Variants in PACRG observed in about 807,000 individuals in gnomAD.
The protein encoded by PACRG is parkin coregulated gene protein.
PACRG carries 29 observed loss-of-function variants against 29.7 expected under a neutral mutation model. That is an observed-to-expected ratio of 0.98 (90% confidence interval 0.73 to 1.33). The LOEUF (loss-of-function observed/expected upper bound fraction) is 1.33, where lower values mean the gene tolerates loss of function less well. Among genes scored for constraint, PACRG ranks in the 40% most tolerant of loss-of-function variants. PACRG has a pLI of 0.00. For synonymous variants in PACRG, 116 were observed against 118.7 expected (o/e 0.98, Z 0.15); for missense variants, 279 against 316.2 (o/e 0.88, Z 0.89).
chr6:163,179,238 C>T (rs958478501), intron 4 of PACRG: 6 of 455,844 alleles, frequency 1.3e-5, no homozygotes, highest in East Asian at 7.0e-5. Context: ...CGTAGGTTCT[C>T]CTGCCAACAA....
chr6:163,089,520 T>A, intron 4 of PACRG, 112 bp downstream of exon 4: 2 of 1,307,960 alleles, frequency 1.5e-6, no homozygotes, highest in Non-Finnish European at 2.1e-6. Context: ...TAAACCATGA[T>A]CCATTTGGAG....
At chr6:162,947,470 A>ACTC (rs372977724) in intron 2 of PACRG, among the ~76,000 whole-genome samples, 3 of 96,180 alleles carry the variant, frequency 3.1e-5, no homozygotes, top group Non-Finnish European at 6.0e-5. Context: ...AATCATATAT[A>ACTC]ATATATATAT....
chr6:162,776,972 G>A (rs1783694588), intron 1 of PACRG, among the ~76,000 whole-genome samples: 1 of 152,008 alleles, frequency 6.6e-6, no homozygotes, highest in South Asian at 2.1e-4. Context: ...CTACACATTG[G>A]GTACAGTGCA....
chr6:162,909,477 C>A (rs1584730278), intron 2 of PACRG, among the ~76,000 whole-genome samples: 2 of 149,284 alleles, frequency 1.3e-5, no homozygotes, highest in South Asian at 2.1e-4. Flanking sequence ...ATGGCGTGAA[C>A]CCAGGAGGCG....
intron 2 of PACRG, among the ~76,000 whole-genome samples, chr6:163,001,229 T>C (rs1176862382): frequency 6.6e-6 from 1 of 152,214 alleles, no homozygotes; most frequent in African/African-American, 2.4e-5. Flanking sequence ...TAATGAAATC[T>C]GAACAAGGAG....
intron 4 of PACRG, among the ~76,000 whole-genome samples, chr6:163,261,117 A>T (rs1562344733): frequency 6.6e-6 from 1 of 151,788 alleles, no homozygotes; most frequent in Non-Finnish European, 1.5e-5. Flanking sequence ...CCATCGGGAG[A>T]GCTCCTTCCC....
chr6:162,896,997 A>C (rs1273711229), intron 2 of PACRG, among the ~76,000 whole-genome samples: 1 of 152,252 alleles, frequency 6.6e-6, no homozygotes, highest in Non-Finnish European at 1.5e-5. Context: ...CTTCCTTGAC[A>C]AAAGTTCTGA....
intron 2 of PACRG, among the ~76,000 whole-genome samples, chr6:162,862,733 A>G (rs1349045045): frequency 6.6e-6 from 1 of 152,190 alleles, no homozygotes; most frequent in East Asian, 1.9e-4. Context: ...AGAGTAAGAC[A>G]GAGATAAAGC....
Position 163,062,327 on chromosome 6 carries a change from T to C in PACRG, c.463+6T>C, listed in dbSNP as rs569256874. On this transcript the variant is annotated splice_donor_region_variant and intron_variant, in intron 3 of 4. Coordinates refer to ENST00000366888, the MANE Select transcript of PACRG (RefSeq NM_001080379.2). The stretch of plus-strand genomic sequence containing the variant: ...GCTCATTATCCCGATAAAAAGTAAG[T>C]GAACCGGTGAAAAAGCATCACTCAG... 32 of 1,604,962 alleles carry C rather than the reference T, an allele frequency of 2.0e-5. 1 individual carries two copies. The South Asian group carries it at 3.1e-4, about 16-fold the overall frequency.
At chr6:162,877,587 TAAAAA>T (rs980283078) in intron 2 of PACRG, among the ~76,000 whole-genome samples, 5 of 105,200 alleles carry the variant, frequency 4.8e-5, no homozygotes, top group Admixed American at 1.9e-4. Flanking sequence ...AATATAATAA[TAAAAA>T]AAAGAAAAAA....
intron 2 of PACRG, among the ~76,000 whole-genome samples, chr6:163,035,588 G>A (rs1295379877): frequency 6.6e-6 from 1 of 151,912 alleles, no homozygotes; most frequent in African/African-American, 2.4e-5. Context: ...GGAAGTTGCA[G>A]TGAGCCTAGA....
chr6:163,162,076 C>G (rs1199898257), intron 4 of PACRG, among the ~76,000 whole-genome samples: 1 of 152,154 alleles, frequency 6.6e-6, no homozygotes, highest in African/African-American at 2.4e-5. Flanking sequence ...TGTCCCACAG[C>G]CTTGGGTATG....
chr6:162,893,915 A>G (rs3798217), intron 2 of PACRG, among the ~76,000 whole-genome samples: 1 of 152,328 alleles, frequency 6.6e-6, no homozygotes, highest in Admixed American at 6.5e-5. Flanking sequence ...GCATTGCCCC[A>G]GACTCACTCT....
intron 2 of PACRG, among the ~76,000 whole-genome samples, chr6:162,889,220 T>A (rs1562702670): frequency 6.6e-6 from 1 of 152,164 alleles, no homozygotes. Flanking sequence ...TATTCTATAA[T>A]ATACTTTCTA....
At chr6:162,822,138 C>T (rs755522139) in intron 2 of PACRG, among the ~76,000 whole-genome samples, 12 of 152,070 alleles carry the variant, frequency 7.9e-5, no homozygotes, top group Non-Finnish European at 1.6e-4. Context: ...GACATACTGC[C>T]ACAGGAATTC....
chr6:162,760,990 G>A (rs1782311679), intron 1 of PACRG, among the ~76,000 whole-genome samples: 1 of 152,190 alleles, frequency 6.6e-6, no homozygotes, highest in African/African-American at 2.4e-5. Flanking sequence ...ACTTACTGAT[G>A]GCTTGGCCGG....
intron 4 of PACRG, among the ~76,000 whole-genome samples, chr6:163,172,979 C>T (rs750157215): frequency 1.3e-5 from 2 of 152,096 alleles, no homozygotes; most frequent in Non-Finnish European, 2.9e-5. Flanking sequence ...AATATTATAT[C>T]ACCATTTAAA....
chr6:163,128,669 C>A (rs1816608796), intron 4 of PACRG, among the ~76,000 whole-genome samples: 1 of 152,182 alleles, frequency 6.6e-6, no homozygotes, highest in African/African-American at 2.4e-5. Flanking sequence ...TGATGCATGC[C>A]ATTAGGATGA....
At chr6:162,733,590 C>CT (rs1223709029) in intron 1 of PACRG, among the ~76,000 whole-genome samples, 1 of 152,144 alleles carries the variant, frequency 6.6e-6, no homozygotes, top group Non-Finnish European at 1.5e-5. Context: ...CCTCAGGTGG[C>CT]TCCCTGCCTC....
Sources: allele counts gnomAD v4.1 joint callset (sites outside exome capture counted in the v4.1 genomes callset), GRCh38; gene constraint gnomAD v4.1.1; transcripts MANE v1.5; gene names NCBI Gene and HGNC (gene_info 2026-07-23, HGNC 2026-07-21).